ADAMTSL1: variants seen among roughly 807,000 people sequenced by gnomAD.
ADAMTSL1 encodes the protein ADAMTS-like protein 1.
In ADAMTSL1, 126 loss-of-function variants were observed where a neutral mutation model predicts 201.8. The ratio of observed to expected loss-of-function variants is 0.62; its 90% CI spans 0.54 to 0.72. The LOEUF is 0.72. Among genes scored for constraint, ADAMTSL1 ranks in the 30% least tolerant of loss-of-function variants. ADAMTSL1 has a pLI of 0.00. For missense variants in ADAMTSL1, 2,679 were observed against 2,277.8 expected, an observed-to-expected ratio of 1.18 and a Z score of -3.59; for synonymous variants, 1,121 against 903.4, an observed-to-expected ratio of 1.24 and a Z score of -4.32.
At chr9:18,282,220 C>T (rs796141353) in intron 2 of ADAMTSL1, among the ~76,000 whole-genome samples, 1 of 152,262 alleles carries the variant, frequency 6.6e-6, no homozygotes, top group African/African-American at 2.4e-5. Flanking sequence ...CTGATCCATC[C>T]GTGTTGCTGC....
chr9:18,853,591 T>G (rs1010361818), intron 23 of ADAMTSL1, among the ~76,000 whole-genome samples: 1 of 152,210 alleles, frequency 6.6e-6, no homozygotes, highest in Non-Finnish European at 1.5e-5. Flanking sequence ...CTTGTGGTGG[T>G]CTTTCATTAA....
Position 18,175,663 on chromosome 9 carries a change from T to C in ADAMTSL1, c.207+11682T>C, listed in dbSNP as rs76562320. Among the ~76,000 whole-genome samples the C allele has an allele frequency of 4.7e-4, 71 of 152,282 alleles. No individual in the cohort carries two copies. The East Asian group carries it at 0.013, about 28-fold the overall frequency. ...TTCTGCCTGGAATGTCTTCCTTCCC[T>C]ACTCTCTAGACTTTCCTTTCTTAAC... is the stretch of plus-strand genomic sequence containing the variant. On this transcript the variant is annotated intron_variant, in intron 2 of 29. Transcript: ENST00000680146.
At chr9:18,265,132 G>C (rs2493745) in intron 2 of ADAMTSL1, among the ~76,000 whole-genome samples, 3,324 of 152,192 alleles carry the variant, frequency 0.022, 116 homozygotes, top group African/African-American at 0.076. Context: ...TTAAATTCTA[G>C]AGCTCAAAGA....
At chr9:18,720,855 CT>C (rs1200020066) in intron 14 of ADAMTSL1, among the ~76,000 whole-genome samples, 1 of 152,242 alleles carries the variant, frequency 6.6e-6, no homozygotes, top group Non-Finnish European at 1.5e-5. Flanking sequence ...TCCCAGTAAC[CT>C]TGTGCCAGTC....
chr9:18,613,600 A>G (rs1159793089), intron 4 of ADAMTSL1, among the ~76,000 whole-genome samples: 1 of 152,188 alleles, frequency 6.6e-6, no homozygotes, highest in Non-Finnish European at 1.5e-5. Context: ...TCCTTAACAA[A>G]CTGACACAAG....
chr9:18,000,385 A>T (rs1309267800), intron 1 of ADAMTSL1, among the ~76,000 whole-genome samples: 1 of 151,858 alleles, frequency 6.6e-6, no homozygotes, highest in East Asian at 1.9e-4. Context: ...TCTAATAAAA[A>T]CCAGTCATCC....
At chr9:18,112,770 T>G (rs1825080913) in intron 1 of ADAMTSL1, among the ~76,000 whole-genome samples, 1 of 152,162 alleles carries the variant, frequency 6.6e-6, no homozygotes, top group African/African-American at 2.4e-5. Flanking sequence ...CCCTCTACCA[T>G]GTAAATGTTA....
rs534648124 is a variant in ADAMTSL1 at position 18,489,387 on chromosome 9, T to G, written c.63+15092T>G. ...TAAGTCTATATGTGAGAGGAAGCATTCTGGTGCCTAATGTGAAGATGATCA... is the reference window on the plus strand; with the variant it reads ...TAAGTCTATATGTGAGAGGAAGCATGCTGGTGCCTAATGTGAAGATGATCA... On this transcript the variant is annotated intron_variant, in intron 1 of 28. Coordinates refer to ENST00000380548, the MANE Select transcript of ADAMTSL1 (RefSeq NM_001040272.6). 2.0e-5 allele frequency among the ~76,000 whole-genome samples: 3 copies of G among 152,308 alleles called. No individual in the cohort carries two copies. In the South Asian group the frequency reaches 6.2e-4, roughly 32 times the overall value.
intron 3 of ADAMTSL1, among the ~76,000 whole-genome samples, chr9:18,534,401 C>A (rs1055546244): frequency 6.6e-5 from 10 of 151,956 alleles, no homozygotes; most frequent in African/African-American, 2.2e-4. Flanking sequence ...GAACTTAAAC[C>A]CAGAGGAAAT....
intron 1 of ADAMTSL1, among the ~76,000 whole-genome samples, chr9:18,154,137 TG>T (rs1316189553): frequency 3.3e-5 from 5 of 152,048 alleles, no homozygotes; most frequent in Admixed American, 1.3e-4. Flanking sequence ...ACCCCTTTTT[TG>T]TGCTTCTGAA....
chr9:18,349,521 A>G (rs563762642), intron 2 of ADAMTSL1, among the ~76,000 whole-genome samples: 6 of 152,318 alleles, frequency 3.9e-5, no homozygotes, highest in Non-Finnish European at 8.8e-5. Context: ...AATATGATAA[A>G]CCTCAAGATA....
rs1825917613 is a variant in ADAMTSL1, at chr9:18,130,751, T to G, written c.88-33111T>G. Among the ~76,000 whole-genome samples, 3 of 152,156 alleles carry G rather than the reference T, an allele frequency of 2.0e-5. No individual in the cohort carries two copies. In the South Asian group the frequency reaches 6.2e-4, roughly 32 times the overall value. On this transcript the variant is annotated intron_variant, in intron 1 of 29. Transcript: ENST00000680146. ...ACATAGGGAACTTTTTTTCTTTTTT[T>G]AACAGACTGTTGCCTCCTCCAACTC...
In ADAMTSL1 at chr9:18,901,849, T is replaced by G. The variant is rs1039593251; in HGVS notation, c.4852-3933T>G. Among the ~76,000 whole-genome samples, 5 of 152,264 alleles carry G rather than the reference T, an allele frequency of 3.3e-5. No individual in the cohort carries two copies. In the East Asian group the frequency reaches 9.7e-4, roughly 29 times the overall value. ...TAAAGGAATCAAACCCCCAAAGGCA[T>G]AGATTGGCCTAGTAGATGTTAAAAA... On this transcript the variant is annotated intron_variant, in intron 26 of 28. Transcript: ENST00000380548.
intron 2 of ADAMTSL1, among the ~76,000 whole-genome samples, chr9:18,398,261 A>G (rs559386075): frequency 6.6e-6 from 1 of 152,300 alleles, no homozygotes; most frequent in Non-Finnish European, 1.5e-5. Context: ...CTACTGACCC[A>G]TAGGTCCTCC....
chr9:18,406,688 A>G (rs1361788437), intron 2 of ADAMTSL1, among the ~76,000 whole-genome samples: 1 of 152,174 alleles, frequency 6.6e-6, no homozygotes, highest in African/African-American at 2.4e-5. Context: ...TGTTTCTATT[A>G]ATTAGTAATC....
chr9:18,788,214 G>A (rs1465950663), intron 19 of ADAMTSL1, among the ~76,000 whole-genome samples: 2 of 152,146 alleles, frequency 1.3e-5, no homozygotes, highest in Non-Finnish European at 2.9e-5. Context: ...TCCCTTGCAA[G>A]CCTCTGGGCT....
At chr9:18,178,632 A>G (rs1447777079) in intron 2 of ADAMTSL1, among the ~76,000 whole-genome samples, 1 of 151,358 alleles carries the variant, frequency 6.6e-6, no homozygotes, top group Non-Finnish European at 1.5e-5. Context: ...TCCCTGTCTG[A>G]CAGCTTTGAA....
chr9:18,794,867 C>A lies in ADAMTSL1; in HGVS notation c.3678-530C>A, dbSNP rs142785285. ...ATGTTGGCCAGGCTGTTCTTGAACT[C>A]CTGGTCTCAGGTGATTTGCCCGCCT... On this transcript the variant is annotated intron_variant, in intron 19 of 28. Transcript: ENST00000380548. 6.7e-4 allele frequency among the ~76,000 whole-genome samples: 102 copies of A among 152,252 alleles called. 1 individual carries two copies. In the East Asian group the frequency reaches 0.02, roughly 29 times the overall value.
intron 23 of ADAMTSL1, among the ~76,000 whole-genome samples, chr9:18,883,892 C>A (rs1351546654): frequency 2.0e-5 from 3 of 152,132 alleles, no homozygotes; most frequent in Non-Finnish European, 4.4e-5. Context: ...GTACAAATAT[C>A]TTTTAAAGTT....
Sources: allele counts gnomAD v4.1 joint callset (sites outside exome capture counted in the v4.1 genomes callset), GRCh38; gene constraint gnomAD v4.1.1; transcripts MANE v1.5; gene names NCBI Gene and HGNC (gene_info 2026-07-23, HGNC 2026-07-21).